UNC13A: variants seen among roughly 807,000 people sequenced by gnomAD.
The protein encoded by UNC13A is protein unc-13 homolog A.
UNC13A carries 61 observed loss-of-function variants against 219.7 expected under a neutral mutation model. The ratio of observed to expected loss-of-function variants is 0.28; its 90% CI spans 0.23 to 0.34. The LOEUF is 0.34. Ranked by LOEUF, UNC13A falls within the 10% of genes least tolerant of loss-of-function variation. The probability of loss-of-function intolerance (pLI) is 1.00; values close to 1 mark genes in which losing one functional copy is unlikely to be tolerated. For synonymous variants in UNC13A, 920 were observed against 884.6 expected (o/e 1.04, Z -0.71); for missense variants, 1,476 against 2,270.3 (o/e 0.65, Z 7.11).
chr19:17,640,102 T>G (rs2076952920), intron 22 of UNC13A, among the ~76,000 whole-genome samples, 194 bp from the exon 23 acceptor site: 1 of 151,972 alleles, frequency 6.6e-6, no homozygotes, highest in Admixed American at 6.6e-5. Flanking sequence ...TGGCGCAGTC[T>G]CAGCTCACTG....
chr19:17,637,460 G>A (rs1332654046), intron 25 of UNC13A, among the ~76,000 whole-genome samples: 1 of 151,956 alleles, frequency 6.6e-6, no homozygotes, highest in Non-Finnish European at 1.5e-5. Flanking sequence ...ACCACGCCCG[G>A]CTAATTTTTT....
chr19:17,609,013 A>G (rs369446256), intron 43 of UNC13A, among the ~76,000 whole-genome samples: 187 of 139,620 alleles, frequency 1.3e-3, no homozygotes, highest in African/African-American at 4.8e-3. Flanking sequence ...GCTGGAGTGC[A>G]ATGGCTCGAT....
chr19:17,619,902 C>A (rs2076709818), intron 38 of UNC13A, among the ~76,000 whole-genome samples: 1 of 152,222 alleles, frequency 6.6e-6, no homozygotes, highest in South Asian at 2.1e-4. Flanking sequence ...GGGCAAGGCA[C>A]TTAACCTCTC....
intron 4 of UNC13A, among the ~76,000 whole-genome samples, chr19:17,670,361 C>T (rs12979924): frequency 0.3 from 45,194 of 151,816 alleles, 7,919 homozygotes; most frequent in South Asian, 0.48. Flanking sequence ...CTAACTCAGC[C>T]TCCTGAGCTG....
rs2076742594 is a variant in UNC13A, at chr19:17,622,812, A to G, written c.4203+730T>C. 5 of 152,698 alleles carry G rather than the reference A, an allele frequency of 3.3e-5. No individual in the cohort carries two copies. In the Admixed American group the frequency reaches 3.3e-4, roughly 10 times the overall value. 9.5% of individuals were successfully genotyped at this position (152,698 alleles called of 1,614,324 possible). On this transcript the variant is annotated intron_variant, in intron 36 of 43. Transcript: ENST00000519716. ...ATGCATCATGCCATTTGGTTCTTAG[A>G]ACTACCCTCAGGGAGGTGATGCAAT...
rs1417399497 is a variant in UNC13A, at chr19:17,605,851, C to T, written c.*203G>A. 9.8e-6 allele frequency: 5 copies of T among 508,602 alleles called. No homozygotes were observed. The highest frequency in any genetic ancestry group is 9.7e-6 in the Non-Finnish European group (3 of 310,050). 31.5% of individuals were successfully genotyped at this position (508,602 alleles called of 1,614,324 possible). ...CTCCTTCCTTCGTCGCGCCCTTGGG[C>T]GTGGCCTCCCGAGAGGGCGGGGCAT... On this transcript the variant is annotated 3_prime_UTR_variant, in exon 44 of 44. Transcript: ENST00000519716.
chr19:17,611,244 C>T (rs55853337), intron 42 of UNC13A, among the ~76,000 whole-genome samples: 8 of 152,110 alleles, frequency 5.3e-5, no homozygotes, highest in East Asian at 3.9e-4. Flanking sequence ...AGTGCAGTGG[C>T]GCAATCTCAG....
intron 43 of UNC13A, among the ~76,000 whole-genome samples, chr19:17,607,473 C>G (rs1448748312): frequency 7.3e-6 from 1 of 136,652 alleles, no homozygotes; most frequent in Non-Finnish European, 1.6e-5. Context: ...GGGGGGGGGT[C>G]TCACCATGTT....
At chr19:17,639,382 G>C in intron 24 of UNC13A, 54 bp downstream of exon 24, 1 of 1,583,360 alleles carries the variant, frequency 6.3e-7, no homozygotes, top group Non-Finnish European at 8.6e-7. Context: ...CCTGGGAGCT[G>C]GGGATCCTAG....
intron 42 of UNC13A, 118 bp from the exon 43 acceptor site, chr19:17,610,217 C>A: frequency 2.1e-6 from 3 of 1,402,742 alleles, no homozygotes; most frequent in East Asian, 2.3e-5. Flanking sequence ...TGTAATCCCA[C>A]CACTTCGGGA....
chr19:17,649,068 A>C lies in UNC13A; in HGVS notation c.1525-85T>G. On this transcript the variant is annotated intron_variant, in intron 14 of 43. Transcript: ENST00000519716. This position sits in a 1 kb window ranked among gnomAD's most constrained non-coding sequence, Gnocchi z 4.4. Reference sequence around the variant, plus strand: ...AGAGTTCACAGCCACGGATGGGGCCAGCAGCCACATTTTGGAGCCACAACC... The same window carrying C: ...AGAGTTCACAGCCACGGATGGGGCCCGCAGCCACATTTTGGAGCCACAACC... 7.1e-7 allele frequency: 1 copy of C among 1,415,088 alleles called. No homozygotes were observed. Among genetic ancestry groups the C allele is most frequent in the Non-Finnish European group, 9.6e-7 (1 of 1,042,254 alleles). The allele number at this position is 1,415,088 out of a possible 1,614,324, so 87.7% of individuals were successfully genotyped here.
At chr19:17,657,423 G>A (rs28620254) in intron 9 of UNC13A, among the ~76,000 whole-genome samples, 10,763 of 152,140 alleles carry the variant, frequency 0.071, 906 homozygotes, top group African/African-American at 0.21. Flanking sequence ...GCCAGGTCAG[G>A]CCCTCTGTTA....
chr19:17,647,909 C>T (rs540882086), intron 16 of UNC13A, among the ~76,000 whole-genome samples: 58 of 147,844 alleles, frequency 3.9e-4, no homozygotes, highest in South Asian at 6.6e-4. Flanking sequence ...ATCCCCTCCT[C>T]GTCTCTGATC....
At chr19:17,669,060 T>C (rs35682036) in intron 5 of UNC13A, among the ~76,000 whole-genome samples, 46,030 of 151,938 alleles carry the variant, frequency 0.3, 8,021 homozygotes, top group South Asian at 0.48. Context: ...CCTCCCAAAG[T>C]GCTGGGATTA....
intron 1 of UNC13A, among the ~76,000 whole-genome samples, chr19:17,678,199 C>A (rs1418820351): frequency 6.6e-6 from 1 of 152,126 alleles, no homozygotes; most frequent in Non-Finnish European, 1.5e-5. Context: ...CTGTTCCTGG[C>A]CAGGCGCGGT....
At chr19:17,663,927 C>T (rs1415007416) in intron 7 of UNC13A, among the ~76,000 whole-genome samples, 1 of 151,938 alleles carries the variant, frequency 6.6e-6, no homozygotes, top group African/African-American at 2.4e-5. Flanking sequence ...TCCTGAGTAA[C>T]TGAGATTACA....
rs1241192235 is a variant in UNC13A, at chr19:17,630,564, C to T, written c.3525+90G>A. 4 of 1,375,110 alleles carry T rather than the reference C, an allele frequency of 2.9e-6. No homozygotes were observed. The African/African-American group carries it at 5.7e-5, about 20-fold the overall frequency. The allele number at this position is 1,375,110 out of a possible 1,614,324, so 85.2% of individuals were successfully genotyped here. ...CAAGACAAAGATGGCGGACACCTACCAGAGACTGGCCTCATCTCAAGGGCA... is the reference window on the plus strand; with the variant it reads ...CAAGACAAAGATGGCGGACACCTACTAGAGACTGGCCTCATCTCAAGGGCA... On this transcript the variant is annotated intron_variant, in intron 29 of 43. Coordinates refer to ENST00000519716, the MANE Select transcript of UNC13A (RefSeq NM_001080421.3).
chr19:17,666,011 C>T (rs764686883), intron 7 of UNC13A, among the ~76,000 whole-genome samples: 603 of 26,936 alleles, frequency 0.022, 87 homozygotes, highest in Middle Eastern at 0.029. Flanking sequence ...TCCTTCCTTC[C>T]TTCCTTTCTT....
chr19:17,673,664 G>A (rs2079839439), intron 3 of UNC13A, among the ~76,000 whole-genome samples: 1 of 151,728 alleles, frequency 6.6e-6, no homozygotes, highest in Non-Finnish European at 1.5e-5. Flanking sequence ...CTACACTCCA[G>A]CCTGGGCCAC....
Sources: gnomAD v4.1 joint callset for allele counts (sites outside exome capture counted in the v4.1 genomes callset) on GRCh38, gnomAD v4.1.1 for gene constraint, Gnocchi (gnomAD v3.1) non-coding constraint, MANE v1.5 for transcripts, NCBI Gene and HGNC (gene_info 2026-07-23, HGNC 2026-07-21) for gene names.